Variants in HOOK3 observed in about 807,000 individuals in gnomAD.
HOOK3 encodes protein Hook homolog 3.
In HOOK3, 24 loss-of-function variants were observed where a neutral mutation model predicts 116.3. The observed-to-expected ratio is 0.21, with a 90% CI of 0.15 to 0.29. HOOK3 has a LOEUF of 0.29. Ranked by LOEUF, HOOK3 falls within the 10% of genes least tolerant of loss-of-function variation. The pLI, the probability that HOOK3 is intolerant of heterozygous loss-of-function variation, is 1.00. For synonymous variants in HOOK3, 275 were observed against 283.0 expected (o/e 0.97, Z 0.28); for missense variants, 632 against 830.2 (o/e 0.76, Z 2.93).
At chr8:42,913,084 AT>A (rs564445714) in intron 2 of HOOK3, among the ~76,000 whole-genome samples, 17 of 150,562 alleles carry the variant, frequency 1.1e-4, no homozygotes, top group South Asian at 4.2e-4. Flanking sequence ...TTGATGGCTC[AT>A]TTTTTTTTAG....
chr8:42,905,737 T>C (rs1170500008), intron 1 of HOOK3, among the ~76,000 whole-genome samples: 1 of 151,530 alleles, frequency 6.6e-6, no homozygotes, highest in East Asian at 1.9e-4. Flanking sequence ...AGACTTCTTT[T>C]TAAAATTTAT....
chr8:43,011,119 A>C (rs1809601307), intron 19 of HOOK3, among the ~76,000 whole-genome samples: 1 of 151,812 alleles, frequency 6.6e-6, no homozygotes, highest in Admixed American at 6.6e-5. Flanking sequence ...CAGCCTCCCG[A>C]GTAGCTAGGA....
chr8:42,911,047 C>T (rs988299591), intron 2 of HOOK3, among the ~76,000 whole-genome samples: 3 of 152,072 alleles, frequency 2.0e-5, no homozygotes, highest in Non-Finnish European at 4.4e-5. Context: ...GTGAGCACTG[C>T]TATGGAAAGG....
Position 42,974,190 on chromosome 8 carries a change from A to C in HOOK3, c.1317A>C (p.Thr439=), listed in dbSNP as rs1029317772. The C allele has an allele frequency of 6.2e-7, 1 of 1,611,438 alleles. No homozygotes were observed. The highest frequency in any genetic ancestry group is 1.3e-5 in the African/African-American group (1 of 74,988). ...AAGCTCAAGAAGGGCAGCTCACAAC[A>C]CAAGGTAAAAACGTTTTGCGAGTAC... The part of the protein sequence containing the change: ...CVQAQEGQLT[T]QGLMPLGSQE... The change falls in exon 13 of 22, where the codon ACA becomes ACC. Residue 439 remains threonine (T), a synonymous_variant. Coordinates refer to ENST00000307602, the MANE Select transcript of HOOK3 (RefSeq NM_032410.4).
intron 8 of HOOK3, among the ~76,000 whole-genome samples, chr8:42,960,884 A>G (rs1225815832): frequency 6.6e-6 from 1 of 152,200 alleles, no homozygotes; most frequent in Non-Finnish European, 1.5e-5. Context: ...GTTGTAAAGA[A>G]ATACCCAAGG....
chr8:43,028,255 G>A lies in HOOK3; in HGVS notation c.*9757G>A, dbSNP rs919600751. On this transcript the variant is annotated 3_prime_UTR_variant, in exon 22 of 22. Transcript: ENST00000307602. ...TGTAGTCCCAGCTACTCCAGAGGTC[G>A]AGGCAGGAGCATCGCTTAAGCCCAG... 4 of 184,330 alleles carry A rather than the reference G, an allele frequency of 2.2e-5. No individual in the cohort carries two copies. The highest frequency in any genetic ancestry group is 4.7e-5 in the African/African-American group (2 of 42,554). The allele number at this position is 184,330 out of a possible 1,614,324, so 11.4% of individuals were successfully genotyped here.
rs1491340696 is a variant in HOOK3 at position 42,927,246 on chromosome 8, T to TTTTTTTTTTG, written c.216+1626_216+1627insGTTTTTTTTT. Among the ~76,000 whole-genome samples, 7 of 129,944 alleles carry TTTTTTTTTTG rather than the reference T, an allele frequency of 5.4e-5. 1 individual carries two copies. The highest frequency in any genetic ancestry group is 2.0e-4 in the African/African-American group (7 of 35,276). 85.2% of individuals were successfully genotyped at this position (129,944 alleles called of 152,430 possible). On this transcript the variant is annotated intron_variant, in intron 3 of 21. Coordinates refer to ENST00000307602, the MANE Select transcript of HOOK3 (RefSeq NM_032410.4). ...AATGAAAACCGTTTAATGGCACTGGTTTTTTTTTTTTTTTGGTTTTTTTTT... is the reference window on the plus strand; with the variant it reads ...AATGAAAACCGTTTAATGGCACTGGTTTTTTTTTTGTTTTTTTTTTTTTTGGTTTTTTTTT...
At chr8:42,943,675 A>G (rs563907545) in intron 5 of HOOK3, among the ~76,000 whole-genome samples, 1 of 152,352 alleles carries the variant, frequency 6.6e-6, no homozygotes, top group East Asian at 1.9e-4. Flanking sequence ...GCAATACCAC[A>G]TAATTCCTTG....
chr8:43,007,920 A>G lies in HOOK3; in HGVS notation c.1729A>G (p.Asn577Asp). ...AIIEDLEPRF[N>D]NSSLKIEELQ... ...TATTGAAGATCTCGAGCCAAGATTT[A>G]ACAACAGCTGTGAGTTTTCCTAATT... The change falls in exon 18 of 22, where the codon AAC becomes GAC. Residue 577 changes from asparagine to aspartate, a missense_variant. Asn to Asp is a conservative substitution (Grantham distance 23, BLOSUM62 1). Coordinates refer to ENST00000307602, the MANE Select transcript of HOOK3 (RefSeq NM_032410.4). 6.3e-7 allele frequency: 1 copy of G among 1,590,232 alleles called. No homozygotes were observed. Among genetic ancestry groups the G allele is most frequent in the Non-Finnish European group, 8.6e-7 (1 of 1,164,000 alleles).
intron 15 of HOOK3, among the ~76,000 whole-genome samples, chr8:42,996,570 T>A (rs1451366312): frequency 1.3e-5 from 2 of 152,046 alleles, no homozygotes; most frequent in Non-Finnish European, 2.9e-5. Context: ...TCCCCCAGTT[T>A]CTCTCCGGCC....
At chr8:42,928,158 A>G (rs556693616) in intron 3 of HOOK3, among the ~76,000 whole-genome samples, 3 of 152,332 alleles carry the variant, frequency 2.0e-5, no homozygotes, top group African/African-American at 7.2e-5. Flanking sequence ...GCACGCCTAT[A>G]GTCCCAGCTA....
At chr8:42,936,203 T>A (rs1807967513) in intron 4 of HOOK3, among the ~76,000 whole-genome samples, 1 of 152,190 alleles carries the variant, frequency 6.6e-6, no homozygotes, top group Non-Finnish European at 1.5e-5. Flanking sequence ...CTGTTATTGG[T>A]GTATAGGAAT....
chr8:42,906,289 T>C (rs745555738), intron 2 of HOOK3, 31 bp downstream of exon 2: 4 of 1,372,598 alleles, frequency 2.9e-6, no homozygotes, highest in Non-Finnish European at 4.1e-6. Flanking sequence ...TTTATGTGTA[T>C]TCTTATGCAT....
rs528994711 is a variant in HOOK3 at position 42,936,862 on chromosome 8, G to C, written c.268-6451G>C. On this transcript the variant is annotated intron_variant, in intron 4 of 21. Coordinates refer to ENST00000307602, the MANE Select transcript of HOOK3 (RefSeq NM_032410.4). ...TGGCCTGAAATTTTCTTTTTTTCTT[G>C]TGTCTCTGTCAGGTTTTGGTGTCAG... Among the ~76,000 whole-genome samples the C allele has an allele frequency of 1.7e-4, 26 of 152,022 alleles. 1 individual carries two copies. The highest frequency in any genetic ancestry group is 6.3e-4 in the African/African-American group (26 of 41,466).
At chr8:42,928,757 T>G (rs923311287) in intron 3 of HOOK3, among the ~76,000 whole-genome samples, 1 of 152,064 alleles carries the variant, frequency 6.6e-6, no homozygotes, top group African/African-American at 2.4e-5. Context: ...AGACAAGATA[T>G]ACGACCGGGC....
At chr8:42,974,289 G>A in intron 13 of HOOK3, 95 bp downstream of exon 13, 1 of 856,450 alleles carries the variant, frequency 1.2e-6, no homozygotes, top group South Asian at 1.5e-5. Flanking sequence ...CAATGGCACT[G>A]TCTTGGCTCA....
At position 43,000,329 on chromosome 8, in the gene HOOK3, A is replaced by T. The variant is rs531721791; in HGVS notation, c.1621-1778A>T. 35 of 1,160,602 alleles carry T rather than the reference A, an allele frequency of 3.0e-5. 1 individual carries two copies. In the South Asian group the frequency reaches 4.2e-4, roughly 14 times the overall value. The allele number at this position is 1,160,602 out of a possible 1,614,324, so 71.9% of individuals were successfully genotyped here. Reference sequence around the variant, plus strand: ...TATAGTGAGCAGTTTTTGGATTTAGACTGCCATCATAGTTGATGGTGTGGA... The same window carrying T: ...TATAGTGAGCAGTTTTTGGATTTAGTCTGCCATCATAGTTGATGGTGTGGA... On this transcript the variant is annotated intron_variant, in intron 16 of 21. Transcript: ENST00000307602.
At chr8:42,967,261 G>C (rs1241128349) in intron 10 of HOOK3, among the ~76,000 whole-genome samples, 1 of 151,856 alleles carries the variant, frequency 6.6e-6, no homozygotes, top group Non-Finnish European at 1.5e-5. Context: ...CTACTCCCCG[G>C]CTGCCCTCCA....
chr8:43,000,080 G>A (rs1190878679), intron 16 of HOOK3, among the ~76,000 whole-genome samples: 3 of 152,164 alleles, frequency 2.0e-5, no homozygotes, highest in Admixed American at 6.5e-5. Context: ...CCTGGGTGGC[G>A]GAGCTTGCAG....
Sources: gnomAD v4.1 joint callset for allele counts (sites outside exome capture counted in the v4.1 genomes callset) on GRCh38, gnomAD v4.1.1 for gene constraint, MANE v1.5 for transcripts, NCBI Gene and HGNC (gene_info 2026-07-23, HGNC 2026-07-21) for gene names.